NALF1: variants seen among roughly 807,000 people sequenced by gnomAD.
The protein encoded by NALF1 is family with sequence similarity 155 member A.
A neutral mutation model predicts 48.4 loss-of-function variants in NALF1; 3 were observed. That is an observed-to-expected ratio of 0.06 (90% CI 0.03 to 0.16). NALF1 has a LOEUF of 0.16. Among genes scored for constraint, NALF1 ranks in the 10% least tolerant of loss-of-function variants. The probability of loss-of-function intolerance (pLI) is 1.00; values close to 1 mark genes in which losing one functional copy is unlikely to be tolerated. For missense variants in NALF1, 526 were observed against 571.5 expected (o/e 0.92, Z 0.81); for synonymous variants, 262 against 245.7 (o/e 1.07, Z -0.62).
At chr13:107,455,478 G>A (rs1884809361) in intron 1 of NALF1, among the ~76,000 whole-genome samples, 1 of 152,136 alleles carries the variant, frequency 6.6e-6, no homozygotes, top group Non-Finnish European at 1.5e-5. Context: ...GCCTCTATCT[G>A]CTATGAACAT....
chr13:107,573,305 A>C (rs1336958010), intron 1 of NALF1, among the ~76,000 whole-genome samples: 1 of 151,946 alleles, frequency 6.6e-6, no homozygotes, highest in Non-Finnish European at 1.5e-5. Context: ...TTTGGTGTAG[A>C]TCTCTCTTAA....
intron 1 of NALF1, among the ~76,000 whole-genome samples, chr13:107,592,369 G>C (rs1325062082): frequency 6.6e-6 from 1 of 151,746 alleles, no homozygotes; most frequent in Non-Finnish European, 1.5e-5. Flanking sequence ...GCTTATTCTA[G>C]CAAGAGGAAG....
At chr13:107,855,050 C>T (rs1005143582) in intron 1 of NALF1, among the ~76,000 whole-genome samples, 2 of 152,102 alleles carry the variant, frequency 1.3e-5, no homozygotes, top group Non-Finnish European at 2.9e-5. Context: ...CAGTGGAGTG[C>T]TGGTGAGGTG....
chr13:107,824,446 G>C (rs1879453191), intron 1 of NALF1, among the ~76,000 whole-genome samples: 1 of 152,190 alleles, frequency 6.6e-6, no homozygotes. Flanking sequence ...CATTTTGGAT[G>C]ATGCGTGGTT....
chr13:107,307,487 AT>A (rs550440207), intron 1 of NALF1, among the ~76,000 whole-genome samples: 26 of 148,646 alleles, frequency 1.7e-4, no homozygotes, highest in African/African-American at 4.2e-4. Context: ...TTTTATTTTT[AT>A]TTTTTTTTTG....
rs112682410 is a variant in NALF1 at position 107,764,663 on chromosome 13, G to A, written c.915+101019C>T. 1.1e-4 allele frequency among the ~76,000 whole-genome samples: 17 copies of A among 152,226 alleles called. 1 individual carries two copies. The highest frequency in any genetic ancestry group is 1.7e-4 in the African/African-American group (7 of 41,548). ...AGATGACCATTCTGTGTTGTCAAGCGTGGAATGCATCATGGTTAATATTGA... is the reference window on the plus strand; with the variant it reads ...AGATGACCATTCTGTGTTGTCAAGCATGGAATGCATCATGGTTAATATTGA... On this transcript the variant is annotated intron_variant, in intron 1 of 2. Coordinates refer to ENST00000375915, the MANE Select transcript of NALF1 (RefSeq NM_001080396.3).
At chr13:107,749,350 G>A (rs911283782) in intron 1 of NALF1, among the ~76,000 whole-genome samples, 6 of 151,942 alleles carry the variant, frequency 3.9e-5, no homozygotes, top group Admixed American at 2.0e-4. Context: ...GAAGAGAACC[G>A]TCACTGTCTC....
chr13:107,638,483 G>C (rs929764488), intron 1 of NALF1, among the ~76,000 whole-genome samples: 2 of 151,952 alleles, frequency 1.3e-5, no homozygotes, highest in African/African-American at 4.8e-5. Flanking sequence ...GGATAGCAGC[G>C]AATGAGGCAG....
intron 2 of NALF1, among the ~76,000 whole-genome samples, chr13:107,196,511 T>C (rs894236003): frequency 6.6e-6 from 1 of 152,110 alleles, no homozygotes; most frequent in Non-Finnish European, 1.5e-5. Context: ...TTTTCAGCCT[T>C]AAAAAAGGTA....
At chr13:107,617,425 A>C (rs1347198814) in intron 1 of NALF1, among the ~76,000 whole-genome samples, 1 of 152,246 alleles carries the variant, frequency 6.6e-6, no homozygotes, top group Non-Finnish European at 1.5e-5. Flanking sequence ...TCAATAAAGA[A>C]GAACAACATC....
intron 1 of NALF1, among the ~76,000 whole-genome samples, chr13:107,851,262 T>A (rs1299666793): frequency 6.6e-6 from 1 of 152,182 alleles, no homozygotes; most frequent in African/African-American, 2.4e-5. Context: ...AGTGACATAT[T>A]TTGCTAACAG....
At chr13:107,781,212 C>A (rs957271035) in intron 1 of NALF1, among the ~76,000 whole-genome samples, 2 of 151,812 alleles carry the variant, frequency 1.3e-5, no homozygotes, top group African/African-American at 2.4e-5. Flanking sequence ...TTTTTTGAAA[C>A]CAGAGATGCC....
intron 1 of NALF1, among the ~76,000 whole-genome samples, chr13:107,443,181 T>A (rs970638375): frequency 7.2e-6 from 1 of 139,808 alleles, no homozygotes; most frequent in Non-Finnish European, 1.5e-5. Flanking sequence ...TCTATCTATC[T>A]ATCTATCTAT....
intron 1 of NALF1, among the ~76,000 whole-genome samples, chr13:107,572,953 G>A (rs1208819689): frequency 2.0e-5 from 3 of 152,036 alleles, no homozygotes; most frequent in Non-Finnish European, 4.4e-5. Flanking sequence ...CAGCCTACGG[G>A]GCTCTTCCAG....
At chr13:107,250,655 G>A (rs1179013312) in intron 1 of NALF1, among the ~76,000 whole-genome samples, 1 of 152,272 alleles carries the variant, frequency 6.6e-6, no homozygotes, top group South Asian at 2.1e-4. Flanking sequence ...GTAGAGCTGA[G>A]TCTTCTCTAA....
chr13:107,245,351 GTGTT>G (rs1282015854), intron 1 of NALF1, among the ~76,000 whole-genome samples: 1 of 152,146 alleles, frequency 6.6e-6, no homozygotes, highest in Non-Finnish European at 1.5e-5. Context: ...CCAGAATAAA[GTGTT>G]TTTTTAAATT....
At chr13:107,485,311 T>G (rs1393594035) in intron 1 of NALF1, among the ~76,000 whole-genome samples, 2 of 152,170 alleles carry the variant, frequency 1.3e-5, no homozygotes, top group African/African-American at 4.8e-5. Context: ...TTACTGGCAC[T>G]TCTGCTAGAG....
chr13:107,580,862 T>C (rs1878286388), intron 1 of NALF1, among the ~76,000 whole-genome samples: 1 of 152,070 alleles, frequency 6.6e-6, no homozygotes, highest in African/African-American at 2.4e-5. Context: ...TTGGTGATGA[T>C]TCAAGAGTCA....
At chr13:107,395,078 G>A (rs572500137) in intron 1 of NALF1, among the ~76,000 whole-genome samples, 6 of 152,026 alleles carry the variant, frequency 3.9e-5, no homozygotes, top group Non-Finnish European at 8.8e-5. Flanking sequence ...AGAAATTAAG[G>A]GTCTTTTGAG....
Sources: gnomAD v4.1 joint callset for allele counts (sites outside exome capture counted in the v4.1 genomes callset) on GRCh38, gnomAD v4.1.1 for gene constraint, MANE v1.5 for transcripts, NCBI Gene and HGNC (gene_info 2026-07-23, HGNC 2026-07-21) for gene names.